NOTCH2: variants seen among roughly 807,000 people sequenced by gnomAD.
The protein encoded by NOTCH2 is neurogenic locus notch homolog protein 2.
Under a neutral mutation model 235.8 loss-of-function variants are expected in NOTCH2, and 29 were observed. That is an observed-to-expected ratio of 0.12 (90% confidence interval 0.09 to 0.17). The LOEUF (loss-of-function observed/expected upper bound fraction) is 0.17, where lower values mean the gene tolerates loss of function less well. Among genes scored for constraint, NOTCH2 ranks in the 10% least tolerant of loss-of-function variants. NOTCH2 has a pLI of 1.00. For missense variants in NOTCH2, 2,285 were observed against 3,150.2 expected (o/e 0.73, Z 6.57); for synonymous variants, 1,086 against 1,141.5 (o/e 0.95, Z 0.98).
chr1:120,002,886 G>A (rs1422103636), intron 3 of NOTCH2, among the ~76,000 whole-genome samples: 1 of 149,216 alleles, frequency 6.7e-6, no homozygotes, highest in Non-Finnish European at 1.5e-5. Flanking sequence ...GTGTAATTAT[G>A]ACCTAATTAT....
At chr1:119,924,132 C>A in intron 25 of NOTCH2, 148 bp from the exon 26 acceptor site, 1 of 690,472 alleles carries the variant, frequency 1.4e-6, no homozygotes. Context: ...ACCTTCTTTG[C>A]ATCTCCTATC....
At chr1:119,986,114 ATT>A (rs1459948280) in intron 5 of NOTCH2, among the ~76,000 whole-genome samples, 1 of 152,226 alleles carries the variant, frequency 6.6e-6, no homozygotes, top group Non-Finnish European at 1.5e-5. Context: ...GCACTTCAAC[ATT>A]AAGATTCTTT....
chr1:119,925,823 G>A lies in NOTCH2; in HGVS notation c.4006-13C>T. 1 of 1,613,856 alleles carries A rather than the reference G, an allele frequency of 6.2e-7. No individual in the cohort carries two copies. The highest frequency in any genetic ancestry group is 8.5e-7 in the Non-Finnish European group (1 of 1,179,962). On this transcript the variant is annotated splice_polypyrimidine_tract_variant and intron_variant, in intron 24 of 33. Transcript: ENST00000256646. ...CCCCGGAAAATCCCTGTGGAAATCAGTGAGGAAATAAAAATGGCATTGGTA... is the reference window on the plus strand; with the variant it reads ...CCCCGGAAAATCCCTGTGGAAATCAATGAGGAAATAAAAATGGCATTGGTA...
chr1:120,004,780 A>T (rs1652895621), intron 3 of NOTCH2, among the ~76,000 whole-genome samples: 2 of 150,440 alleles, frequency 1.3e-5, no homozygotes, highest in Admixed American at 6.6e-5. Context: ...TGGTGTACAT[A>T]TTTTTTTTTT....
chr1:120,033,792 C>CA (rs1654196256), intron 1 of NOTCH2, among the ~76,000 whole-genome samples: 1 of 151,958 alleles, frequency 6.6e-6, no homozygotes, highest in South Asian at 2.1e-4. Context: ...GAGTAAATTT[C>CA]AAAAAATGTT....
intron 1 of NOTCH2, among the ~76,000 whole-genome samples, chr1:120,065,516 C>T (rs1553216937): frequency 6.6e-6 from 1 of 152,220 alleles, no homozygotes; most frequent in Non-Finnish European, 1.5e-5. Flanking sequence ...GAATGAGGCA[C>T]TGGACACCAG....
intron 1 of NOTCH2, among the ~76,000 whole-genome samples, chr1:120,047,732 A>G (rs1654838944): frequency 6.9e-6 from 1 of 145,114 alleles, no homozygotes; most frequent in Non-Finnish European, 1.5e-5. Context: ...GCCACTGACT[A>G]TTTTTGTGCT....
intron 27 of NOTCH2, 67 bp from the exon 28 acceptor site, chr1:119,922,513 T>C (rs1290935965): frequency 1.3e-6 from 2 of 1,593,046 alleles, no homozygotes; most frequent in African/African-American, 2.7e-5. Flanking sequence ...AGCATTAGAT[T>C]CATTTAGAGG....
chr1:119,979,894 C>T (rs911134786), intron 5 of NOTCH2, among the ~76,000 whole-genome samples: 9 of 151,990 alleles, frequency 5.9e-5, no homozygotes, highest in African/African-American at 2.2e-4. Context: ...ATTCTAATTT[C>T]TGACATTAAA....
At chr1:119,955,560 C>T (rs1650659151) in intron 12 of NOTCH2, among the ~76,000 whole-genome samples, 1 of 152,196 alleles carries the variant, frequency 6.6e-6, no homozygotes, top group African/African-American at 2.4e-5. Context: ...GAAGGCTTCT[C>T]TTCTTAATGC....
intron 5 of NOTCH2, among the ~76,000 whole-genome samples, chr1:119,982,508 T>G (rs992901937): frequency 1.3e-5 from 2 of 152,228 alleles, no homozygotes; most frequent in Non-Finnish European, 2.9e-5. Flanking sequence ...TAATCTACAC[T>G]GCTCTAATAA....
At chr1:119,944,081 C>G (rs1352047538) in intron 17 of NOTCH2, among the ~76,000 whole-genome samples, 1 of 151,976 alleles carries the variant, frequency 6.6e-6, no homozygotes, top group Non-Finnish European at 1.5e-5. Context: ...ATAAATCAAC[C>G]TTGCAGCCTA....
At chr1:119,971,633 G>A (rs1651364218) in intron 5 of NOTCH2, among the ~76,000 whole-genome samples, 1 of 152,058 alleles carries the variant, frequency 6.6e-6, no homozygotes, top group Admixed American at 6.6e-5. Flanking sequence ...CAGCCTGCAG[G>A]CACTACTTGG....
chr1:120,008,849 A>G (rs375566127), intron 2 of NOTCH2, among the ~76,000 whole-genome samples: 2 of 152,380 alleles, frequency 1.3e-5, no homozygotes, highest in East Asian at 3.9e-4. Flanking sequence ...CTTGGAGTTT[A>G]CATTCTAATA....
At chr1:119,947,187 A>G (rs1553197134) in intron 17 of NOTCH2, among the ~76,000 whole-genome samples, 1 of 152,204 alleles carries the variant, frequency 6.6e-6, no homozygotes, top group African/African-American at 2.4e-5. Flanking sequence ...CATACACTGA[A>G]TTTCATCAAT....
chr1:119,923,220 A>G (rs992542642), intron 26 of NOTCH2, among the ~76,000 whole-genome samples: 1 of 152,208 alleles, frequency 6.6e-6, no homozygotes, highest in Non-Finnish European at 1.5e-5. Context: ...TGAAAGTTTG[A>G]CAATATACCA....
In NOTCH2 at chr1:119,985,756, T is replaced by C. The variant is rs587662482; in HGVS notation, c.874+1204A>G. On this transcript the variant is annotated intron_variant, in intron 5 of 33. Coordinates refer to ENST00000256646, the MANE Select transcript of NOTCH2 (RefSeq NM_024408.4). ...ACAGTAATTTTTTAAGTTGAAAAAATAGCCTCTGAAAAGTCTATCATAGAA... is the reference window on the plus strand; with the variant it reads ...ACAGTAATTTTTTAAGTTGAAAAAACAGCCTCTGAAAAGTCTATCATAGAA... Among the ~76,000 whole-genome samples the C allele has an allele frequency of 2.6e-5, 4 of 152,188 alleles. No homozygotes were observed. The South Asian group carries it at 8.3e-4, about 32-fold the overall frequency.
At chr1:119,917,579 A>C in intron 33 of NOTCH2, 86 bp downstream of exon 33, 1 of 916,704 alleles carries the variant, frequency 1.1e-6, no homozygotes, top group Non-Finnish European at 1.8e-6. Flanking sequence ...ACATATAACA[A>C]GAGAAGCTGT....
Position 119,959,520 on chromosome 1 carries a change from A to G in NOTCH2, c.1916-18T>C, listed in dbSNP as rs782516524. The G allele has an allele frequency of 8.4e-6, 11 of 1,312,530 alleles. No individual in the cohort carries two copies. Among genetic ancestry groups the G allele is most frequent in the Admixed American group, 3.4e-5 (2 of 59,610 alleles). 81.3% of individuals were successfully genotyped at this position (1,312,530 alleles called of 1,614,324 possible). A position where few individuals can be genotyped will look rare whatever the true frequency, so the allele number is the denominator to read the frequency against. Reference sequence around the variant, plus strand: ...ATTAACCCCTGGAAGAGAAAACCCAACGGAAACCATTCAATGTTACCACAG... The same window carrying G: ...ATTAACCCCTGGAAGAGAAAACCCAGCGGAAACCATTCAATGTTACCACAG... On this transcript the variant is annotated intron_variant, in intron 11 of 33. Transcript: ENST00000256646.
Sources: gnomAD v4.1 joint callset for allele counts (sites outside exome capture counted in the v4.1 genomes callset) on GRCh38, gnomAD v4.1.1 for gene constraint, MANE v1.5 for transcripts, NCBI Gene and HGNC (gene_info 2026-07-23, HGNC 2026-07-21) for gene names.